The following SPIN1 variants were observed in gnomAD, a reference collection of about 807,000 sequenced individuals.
SPIN1 encodes the protein spindlin 1.
Under a neutral mutation model 26.0 loss-of-function variants are expected in SPIN1, and 3 were observed. That is an observed-to-expected ratio of 0.12 (90% CI 0.05 to 0.30). The LOEUF is 0.30. Ranked by LOEUF, SPIN1 falls within the 10% of genes least tolerant of loss-of-function variation. The pLI, the probability that SPIN1 is intolerant of heterozygous loss-of-function variation, is 1.00. For synonymous variants in SPIN1, 101 were observed against 116.5 expected, an observed-to-expected ratio of 0.87 and a Z score of 0.86; for missense variants, 126 against 333.4, an observed-to-expected ratio of 0.38 and a Z score of 4.84.
chr9:88,445,404 G>C (rs10120200), intron 2 of SPIN1, among the ~76,000 whole-genome samples: 8,176 of 151,878 alleles, frequency 0.054, 720 homozygotes, highest in African/African-American at 0.19. Context: ...TGAACATGCT[G>C]GGTGAAGTGG....
intron 1 of SPIN1, among the ~76,000 whole-genome samples, chr9:88,401,834 C>T (rs765814613): frequency 1.3e-5 from 2 of 152,182 alleles, no homozygotes; most frequent in African/African-American, 4.8e-5. Context: ...TGTTTTAAGC[C>T]TTTGCCTAAA....
intron 1 of SPIN1, among the ~76,000 whole-genome samples, chr9:88,393,842 T>G (rs1026389567): frequency 2.6e-5 from 4 of 151,976 alleles, no homozygotes; most frequent in African/African-American, 9.7e-5. Context: ...ATGTATCCAA[T>G]GTGTGTTTTT....
intron 5 of SPIN1, among the ~76,000 whole-genome samples, chr9:88,472,445 G>A (rs189622691): frequency 3.4e-4 from 51 of 151,978 alleles, no homozygotes; most frequent in African/African-American, 1.2e-3. Flanking sequence ...TGTTGACCAG[G>A]CTGGTCTCGA....
At chr9:88,431,153 G>A (rs1334433293) in intron 2 of SPIN1, among the ~76,000 whole-genome samples, 1 of 151,896 alleles carries the variant, frequency 6.6e-6, no homozygotes, top group Admixed American at 6.6e-5. Flanking sequence ...CCAGAGTGCT[G>A]GGATTATAGG....
chr9:88,406,911 G>C (rs746192358), intron 1 of SPIN1, among the ~76,000 whole-genome samples: 2 of 151,826 alleles, frequency 1.3e-5, no homozygotes, highest in Admixed American at 6.6e-5. Context: ...TTATTGCATT[G>C]TTTTAATTCT....
At chr9:88,427,604 CTTTTTTTTCTT>C (rs1827788432) in intron 2 of SPIN1, among the ~76,000 whole-genome samples, 1 of 151,312 alleles carries the variant, frequency 6.6e-6, no homozygotes, top group African/African-American at 2.4e-5. Context: ...CTTTTTCTCT[CTTTTTTTTCTT>C]TTTTTTTTGA....
chr9:88,421,347 A>G (rs1376634423), intron 1 of SPIN1, among the ~76,000 whole-genome samples: 1 of 152,010 alleles, frequency 6.6e-6, no homozygotes, highest in Non-Finnish European at 1.5e-5. Context: ...CAGTTGCCCA[A>G]GCCGAAGTGC....
chr9:88,409,550 C>T (rs953285302), intron 1 of SPIN1, among the ~76,000 whole-genome samples: 2 of 151,520 alleles, frequency 1.3e-5, no homozygotes, highest in East Asian at 2.0e-4. Flanking sequence ...TTGAGCTACA[C>T]GACGGCCAGG....
chr9:88,436,707 G>T (rs973488542), intron 2 of SPIN1, among the ~76,000 whole-genome samples: 3 of 149,532 alleles, frequency 2.0e-5, no homozygotes, highest in African/African-American at 7.3e-5. Context: ...TTTTCAGATT[G>T]GATTCGTTCA....
intron 2 of SPIN1, among the ~76,000 whole-genome samples, chr9:88,444,325 C>T (rs1828200693): frequency 6.7e-6 from 1 of 149,716 alleles, no homozygotes. Flanking sequence ...ACTGCAAGCT[C>T]CGCCTCCCGG....
rs1027756983 is a variant in SPIN1 at position 88,454,231 on chromosome 9, A to G, written c.101+5242A>G. 7.2e-5 allele frequency among the ~76,000 whole-genome samples: 11 copies of G among 152,348 alleles called. No individual in the cohort carries two copies. In the South Asian group the frequency reaches 8.3e-4, roughly 11 times the overall value. On this transcript the variant is annotated intron_variant, in intron 3 of 5. Coordinates refer to ENST00000375859, the MANE Select transcript of SPIN1 (RefSeq NM_006717.3). ...TTTAGACTCTTTCCCAAGAAAATATAAGAGATTGAAGGGCTTTTAACAATA... is the reference window on the plus strand; with the variant it reads ...TTTAGACTCTTTCCCAAGAAAATATGAGAGATTGAAGGGCTTTTAACAATA...
At chr9:88,457,851 A>G in intron 3 of SPIN1, 1 of 984,446 alleles carries the variant, frequency 1.0e-6, no homozygotes, top group Non-Finnish European at 1.2e-6. Flanking sequence ...CGCAAAAAGC[A>G]ACCAAAAAAC....
intron 3 of SPIN1, among the ~76,000 whole-genome samples, chr9:88,452,361 C>T (rs1415144062): frequency 6.6e-6 from 1 of 152,174 alleles, no homozygotes; most frequent in East Asian, 1.9e-4. Context: ...AAGTACCACC[C>T]CATATTTACT....
chr9:88,421,425 C>G (rs1400836659), intron 1 of SPIN1, among the ~76,000 whole-genome samples: 2 of 152,032 alleles, frequency 1.3e-5, no homozygotes, highest in African/African-American at 4.8e-5. Context: ...ACCTCAGCCT[C>G]CTGAGTAGCT....
chr9:88,402,103 C>T (rs552434629), intron 1 of SPIN1, among the ~76,000 whole-genome samples: 3 of 152,136 alleles, frequency 2.0e-5, no homozygotes, highest in African/African-American at 4.8e-5. Flanking sequence ...GCAATTCTCC[C>T]GCCTCAGCCT....
At chr9:88,401,276 C>T (rs565211625) in intron 1 of SPIN1, among the ~76,000 whole-genome samples, 1 of 152,130 alleles carries the variant, frequency 6.6e-6, no homozygotes, top group South Asian at 2.1e-4. Flanking sequence ...AACAACTGTC[C>T]AATAATGGAG....
rs1478694886 is a variant in SPIN1, at chr9:88,478,390, T to TA, written c.*3113_*3114insA. ...TATAACAAAATAATTATGGTTGAAA[T>TA]GTCTGTGGTTCCTTGGAAATGCTGC... On this transcript the variant is annotated 3_prime_UTR_variant, in exon 6 of 6. Coordinates refer to ENST00000375859, the MANE Select transcript of SPIN1 (RefSeq NM_006717.3). The TA allele has an allele frequency of 6.6e-6, 1 of 152,640 alleles. No individual in the cohort carries two copies. Among genetic ancestry groups the TA allele is most frequent in the Admixed American group, 6.5e-5 (1 of 15,284 alleles). 9.5% of individuals were successfully genotyped at this position (152,640 alleles called of 1,614,324 possible).
chr9:88,423,271 A>G (rs1409674784), intron 1 of SPIN1, among the ~76,000 whole-genome samples: 2 of 152,168 alleles, frequency 1.3e-5, no homozygotes, highest in East Asian at 3.9e-4. Context: ...GGATAAATTG[A>G]TTTTATGTAG....
chr9:88,440,411 A>C (rs1828095367), intron 2 of SPIN1, among the ~76,000 whole-genome samples: 1 of 152,338 alleles, frequency 6.6e-6, no homozygotes, highest in East Asian at 1.9e-4. Flanking sequence ...CGTCCACCTT[A>C]GTCTCCCAAA....
Sources: allele counts gnomAD v4.1 joint callset (sites outside exome capture counted in the v4.1 genomes callset), GRCh38; gene constraint gnomAD v4.1.1; transcripts MANE v1.5; gene names NCBI Gene and HGNC (gene_info 2026-07-23, HGNC 2026-07-21).